Variants in ATP8A2 observed in about 807,000 individuals in gnomAD.
The protein encoded by ATP8A2 is ATPase phospholipid transporting 8A2.
A neutral mutation model predicts 165.6 loss-of-function variants in ATP8A2; 100 were observed. The observed-to-expected ratio is 0.60, with a 90% CI of 0.51 to 0.71. The LOEUF (loss-of-function observed/expected upper bound fraction) is 0.71. Ranked by LOEUF, ATP8A2 falls within the 30% of genes least tolerant of loss-of-function variation. The pLI is 0.00. For synonymous variants in ATP8A2, 543 were observed against 548.8 expected, an observed-to-expected ratio of 0.99 and a Z score of 0.15; for missense variants, 1,227 against 1,479.5, an observed-to-expected ratio of 0.83 and a Z score of 2.80.
intron 35 of ATP8A2, among the ~76,000 whole-genome samples, chr13:25,988,548 C>T (rs1002225479): frequency 1.3e-5 from 2 of 152,176 alleles, no homozygotes; most frequent in African/African-American, 4.8e-5. Context: ...CTAATACTGC[C>T]TCCCTCCATG....
Position 25,578,673 on chromosome 13 carries a change from GC to G in ATP8A2, c.1783-139del, listed in dbSNP as rs1234085448. On this transcript the variant is annotated intron_variant, in intron 20 of 36. Transcript: ENST00000381655. ...TTTGTTTTCCAAAGCTCATGCCTGA[GC>G]CCAGCCAAATGCTAAATTCCTACTT... is the stretch of plus-strand genomic sequence containing the variant. The G allele has an allele frequency of 4.4e-6, 3 of 681,154 alleles. No homozygotes were observed. The African/African-American group carries it at 5.4e-5, about 12-fold the overall frequency. The allele number at this position is 681,154 out of a possible 1,614,324, so 42.2% of individuals were successfully genotyped here.
intron 36 of ATP8A2, among the ~76,000 whole-genome samples, chr13:26,012,919 T>C (rs1268902755): frequency 6.6e-6 from 1 of 152,162 alleles, no homozygotes; most frequent in Non-Finnish European, 1.5e-5. Flanking sequence ...CAGTATGACT[T>C]TTAAACTGTT....
chr13:25,753,424 CCT>C (rs961828849), intron 25 of ATP8A2, among the ~76,000 whole-genome samples: 2 of 152,202 alleles, frequency 1.3e-5, no homozygotes, highest in African/African-American at 4.8e-5. Flanking sequence ...TGCATACAGT[CCT>C]CTGTTTGCCT....
Position 25,732,138 on chromosome 13 carries a change from C to G in ATP8A2, c.2384+32793C>G, listed in dbSNP as rs532969314. Among the ~76,000 whole-genome samples the G allele has an allele frequency of 2.0e-5, 3 of 152,188 alleles. No homozygotes were observed. The South Asian group carries it at 6.2e-4, about 31-fold the overall frequency. ...CCCTAGCCCAGAGAGCTGAGCTTTTCCCTGCTTTACTACTGTGTTTAGGAA... is the reference window on the plus strand; with the variant it reads ...CCCTAGCCCAGAGAGCTGAGCTTTTGCCTGCTTTACTACTGTGTTTAGGAA... On this transcript the variant is annotated intron_variant, in intron 25 of 36. Transcript: ENST00000381655.
intron 17 of ATP8A2, among the ~76,000 whole-genome samples, 170 bp downstream of exon 17, chr13:25,571,042 G>A (rs927893088): frequency 1.3e-4 from 20 of 152,288 alleles, no homozygotes; most frequent in African/African-American, 1.7e-4. Context: ...TAGAGAGCCC[G>A]GGATGGGCTC....
rs145396979 is a variant in ATP8A2 at position 25,517,449 on chromosome 13, A to G, written c.222-12550A>G. On this transcript the variant is annotated intron_variant, in intron 2 of 36. Coordinates refer to ENST00000381655, the MANE Select transcript of ATP8A2 (RefSeq NM_016529.6). ...TGCAGGTGTTGAGATAAAGTGTTTC[A>G]TGTCCATAGTTATTTGTTGAATAAT... Among the ~76,000 whole-genome samples the G allele has an allele frequency of 2.5e-4, 38 of 152,334 alleles. No homozygotes were observed. The East Asian group carries it at 7.1e-3, about 29-fold the overall frequency.
At chr13:25,661,998 T>C (rs1384702746) in intron 24 of ATP8A2, among the ~76,000 whole-genome samples, 3 of 151,810 alleles carry the variant, frequency 2.0e-5, no homozygotes, top group African/African-American at 7.3e-5. Context: ...AGTGATTAAC[T>C]TAAGAATTCT....
At chr13:25,565,373 G>A (rs1343548247) in intron 16 of ATP8A2, among the ~76,000 whole-genome samples, 1 of 152,100 alleles carries the variant, frequency 6.6e-6, no homozygotes, top group African/African-American at 2.4e-5. Context: ...CCTGATCACC[G>A]CATCCATGCC....
At chr13:25,434,246 C>A (rs1009983275) in intron 1 of ATP8A2, among the ~76,000 whole-genome samples, 1 of 152,136 alleles carries the variant, frequency 6.6e-6, no homozygotes, top group Non-Finnish European at 1.5e-5. Flanking sequence ...GGACACTGAC[C>A]CACAGTTTGT....
intron 24 of ATP8A2, among the ~76,000 whole-genome samples, chr13:25,638,837 T>C (rs111526574): frequency 0.95 from 145,301 of 152,192 alleles, 69,470 homozygotes; most frequent in Non-Finnish European, 0.98. Flanking sequence ...AAGGAAAAAA[T>C]GTTAAGGGCA....
At chr13:25,870,961 G>A (rs559162691) in intron 33 of ATP8A2, among the ~76,000 whole-genome samples, 285 of 152,174 alleles carry the variant, frequency 1.9e-3, no homozygotes, top group African/African-American at 6.5e-3. Flanking sequence ...TATTTTTTAC[G>A]TTCATTATAG....
At chr13:25,999,823 C>T (rs1018029284) in intron 35 of ATP8A2, among the ~76,000 whole-genome samples, 1 of 152,086 alleles carries the variant, frequency 6.6e-6, no homozygotes. Context: ...TCATCTACTA[C>T]CATCTAACAG....
At chr13:25,943,306 G>T (rs1341015718) in intron 33 of ATP8A2, among the ~76,000 whole-genome samples, 1 of 152,186 alleles carries the variant, frequency 6.6e-6, no homozygotes, top group Non-Finnish European at 1.5e-5. Flanking sequence ...TTATAAAAAT[G>T]ATTCTAGTCA....
intron 33 of ATP8A2, among the ~76,000 whole-genome samples, chr13:25,911,137 C>T (rs1954093809): frequency 6.6e-6 from 1 of 152,106 alleles, no homozygotes; most frequent in Admixed American, 6.5e-5. Flanking sequence ...ACCCCTTTCT[C>T]TCCTCTTTTC....
chr13:25,797,155 C>A (rs9511927), intron 27 of ATP8A2, among the ~76,000 whole-genome samples: 3 of 152,252 alleles, frequency 2.0e-5, no homozygotes, highest in East Asian at 3.9e-4. Flanking sequence ...GTAATCCCAG[C>A]TGCTCGGGAG....
intron 24 of ATP8A2, chr13:25,649,090 C>T (rs564740038): frequency 6.3e-6 from 3 of 478,966 alleles, no homozygotes; most frequent in South Asian, 3.0e-5. Flanking sequence ...ATCCTTGTGT[C>T]CTTGCGTTGG....
intron 24 of ATP8A2, among the ~76,000 whole-genome samples, chr13:25,609,534 G>GGGATTCAAATATATATATATATTT (rs2040605192): frequency 1.4e-4 from 6 of 42,284 alleles, no homozygotes; most frequent in Admixed American, 1.2e-3. Context: ...ATATATATTT[G>GGGATTCAAATATATATATATATTT]GGATTCAAAT....
intron 1 of ATP8A2, among the ~76,000 whole-genome samples, chr13:25,403,788 T>G (rs763529605): frequency 3.3e-5 from 5 of 152,226 alleles, no homozygotes; most frequent in Non-Finnish European, 7.3e-5. Context: ...CTATGGCACT[T>G]GGAGATCAGT....
intron 33 of ATP8A2, among the ~76,000 whole-genome samples, chr13:25,910,089 G>T (rs556650983): frequency 6.6e-6 from 1 of 152,170 alleles, no homozygotes; most frequent in African/African-American, 2.4e-5. Flanking sequence ...GAAGAATACC[G>T]CAGTGAAAAG....
Sources: gnomAD v4.1 joint callset for allele counts (sites outside exome capture counted in the v4.1 genomes callset) on GRCh38, gnomAD v4.1.1 for gene constraint, MANE v1.5 for transcripts, NCBI Gene and HGNC (gene_info 2026-07-23, HGNC 2026-07-21) for gene names.